The following EBPL variants were observed in gnomAD, a reference collection of about 807,000 sequenced individuals.
EBPL encodes the protein emopamil-binding protein-like.
A neutral mutation model predicts 19.0 loss-of-function variants in EBPL; 20 were observed. The observed-to-expected ratio is 1.05, with a 90% CI of 0.74 to 1.53. EBPL has a LOEUF of 1.53. Ranked by LOEUF, EBPL falls within the 40% of genes most tolerant of loss-of-function variation. The probability of loss-of-function intolerance (pLI) is 0.00; values close to 1 mark genes in which losing one functional copy is unlikely to be tolerated. For synonymous variants in EBPL, 107 were observed against 117.0 expected, an observed-to-expected ratio of 0.91 and a Z score of 0.55; for missense variants, 219 against 261.1, an observed-to-expected ratio of 0.84 and a Z score of 1.11.
At chr13:49,661,263 C>A in intron 3 of EBPL, 55 bp from the exon 4 acceptor site, 1 of 1,419,334 alleles carries the variant, frequency 7.0e-7, no homozygotes. Context: ...AGTTTGGCAT[C>A]AGAGTCATGA....
In EBPL at chr13:49,691,296, C is replaced by A. The variant is rs779612253; in HGVS notation, c.129G>T (p.Ala43=). Residue 43 remains alanine, a synonymous_variant, in exon 1 of 4, where the codon GCG becomes GCT. Transcript: ENST00000242827. ...GCGCGTCGTAGCAGAGCCAGATGAG[C>A]GCCCCGCGGTCCGCCGCCCCCTGCC... ...GRGQGAADRG[A]LIWLCYDALV... 7.3e-5 allele frequency: 101 copies of A among 1,382,436 alleles called. No individual in the cohort carries two copies. Among genetic ancestry groups the A allele is most frequent in the Non-Finnish European group, 8.8e-5 (94 of 1,062,578 alleles). 85.6% of individuals were successfully genotyped at this position (1,382,436 alleles called of 1,614,324 possible). A position where few individuals can be genotyped will look rare whatever the true frequency, so the allele number is the denominator to read the frequency against.
At chr13:49,664,469 T>C (rs1965197789) in intron 2 of EBPL, among the ~76,000 whole-genome samples, 1 of 152,120 alleles carries the variant, frequency 6.6e-6, no homozygotes, top group Non-Finnish European at 1.5e-5. Flanking sequence ...CCAGACCCAT[T>C]ATCAGAGTGG....
In EBPL at chr13:49,663,140, C is replaced by CA. The variant is rs1965173717; in HGVS notation, c.296dup (p.Ser100ValfsTer74). Reference sequence around the variant, plus strand: ...GGGCGACGGTCAGAATTTCCACAGACACAATGGTTGGATCAAAATAAACCC... The same window carrying CA: ...GGGCGACGGTCAGAATTTCCACAGACAACAATGGTTGGATCAAAATAAACCC... On this transcript the variant is annotated frameshift_variant, in exon 3 of 4. Coordinates refer to ENST00000242827, the MANE Select transcript of EBPL (RefSeq NM_032565.5). LOFTEE classifies it high-confidence loss of function. The CA allele has an allele frequency of 6.2e-7, 1 of 1,614,178 alleles. No homozygotes were observed.
At chr13:49,669,955 C>T in intron 1 of EBPL, 109 bp from the exon 2 acceptor site, 2 of 816,992 alleles carry the variant, frequency 2.4e-6, no homozygotes, top group Non-Finnish European at 4.1e-6. Context: ...CTCCATGGCT[C>T]ACATCCTGGC....
At chr13:49,679,890 T>A (rs916412711) in intron 1 of EBPL, among the ~76,000 whole-genome samples, 1 of 144,978 alleles carries the variant, frequency 6.9e-6, no homozygotes, top group African/African-American at 2.4e-5. Context: ...AAGCTATATA[T>A]ATATATTAGT....
rs558741581 is a variant in EBPL, at chr13:49,670,142, G to T, written c.172-296C>A. 4.6e-5 allele frequency among the ~76,000 whole-genome samples: 7 copies of T among 152,324 alleles called. No homozygotes were observed. In the South Asian group the frequency reaches 1.5e-3, roughly 32 times the overall value. ...GAAAAAGTGAAATTTTTGCATAAGA[G>T]TTTAACTACTGTATTAAATAGAGTA... On this transcript the variant is annotated intron_variant, in intron 1 of 3. Transcript: ENST00000242827.
At chr13:49,661,991 A>AT in intron 3 of EBPL, 2 of 1,409,880 alleles carry the variant, frequency 1.4e-6, no homozygotes, top group Middle Eastern at 1.7e-4. Context: ...AGGATGGATA[A>AT]TTTTTTCATC....
chr13:49,688,335 C>T (rs1287834058), intron 1 of EBPL, among the ~76,000 whole-genome samples: 3 of 152,062 alleles, frequency 2.0e-5, no homozygotes, highest in Non-Finnish European at 4.4e-5. Flanking sequence ...AAATGAACTG[C>T]CCCTGGGAAT....
chr13:49,687,309 G>C (rs1246375685), intron 1 of EBPL, among the ~76,000 whole-genome samples: 1 of 152,018 alleles, frequency 6.6e-6, no homozygotes, highest in African/African-American at 2.4e-5. Context: ...CCCATTTTAA[G>C]TTCCAACACC....
At chr13:49,682,186 G>A (rs912411970) in intron 1 of EBPL, among the ~76,000 whole-genome samples, 4 of 151,930 alleles carry the variant, frequency 2.6e-5, no homozygotes, top group African/African-American at 9.7e-5. Flanking sequence ...ACATTCACAG[G>A]AGACCACACT....
At chr13:49,685,864 G>GAA (rs138557655) in intron 1 of EBPL, among the ~76,000 whole-genome samples, 2 of 142,558 alleles carry the variant, frequency 1.4e-5, no homozygotes, top group Admixed American at 7.0e-5. Flanking sequence ...GAGAGAGAGA[G>GAA]AAAAAAAAAA....
intron 1 of EBPL, among the ~76,000 whole-genome samples, chr13:49,673,110 GTGGCAACATAAAAAAATAC>G (rs1953835824): frequency 6.6e-6 from 1 of 152,042 alleles, no homozygotes; most frequent in South Asian, 2.1e-4. Context: ...ATAAAAAATA[GTGGCAACATAAAAAAATAC>G]TGGCAACATC....
intron 1 of EBPL, among the ~76,000 whole-genome samples, chr13:49,679,596 G>C (rs551538930): frequency 2.9e-4 from 44 of 152,172 alleles, no homozygotes; most frequent in Non-Finnish European, 5.6e-4. Flanking sequence ...CAGACTCCTG[G>C]GTTCAAGCAA....
chr13:49,667,440 G>C (rs890636900), intron 2 of EBPL, among the ~76,000 whole-genome samples: 1 of 152,092 alleles, frequency 6.6e-6, no homozygotes, highest in African/African-American at 2.4e-5. Flanking sequence ...GAGGTTTATG[G>C]CTGGCCCTGC....
At chr13:49,676,388 G>A (rs1329506303) in intron 1 of EBPL, among the ~76,000 whole-genome samples, 6 of 152,038 alleles carry the variant, frequency 3.9e-5, no homozygotes, top group African/African-American at 1.2e-4. Context: ...TCAGGAGATC[G>A]AGACCATCCT....
chr13:49,681,682 G>C (rs1953945101), intron 1 of EBPL, among the ~76,000 whole-genome samples: 1 of 152,174 alleles, frequency 6.6e-6, no homozygotes, highest in South Asian at 2.1e-4. Context: ...AGTTATGCCA[G>C]CTATTTCCAT....
At chr13:49,673,793 C>T (rs1329406428) in intron 1 of EBPL, among the ~76,000 whole-genome samples, 1 of 151,978 alleles carries the variant, frequency 6.6e-6, no homozygotes, top group African/African-American at 2.4e-5. Flanking sequence ...AAATGGAGGA[C>T]ATTGTTAGTG....
chr13:49,669,727 G>T, intron 2 of EBPL, 50 bp downstream of exon 2: 1 of 1,512,474 alleles, frequency 6.6e-7, no homozygotes, highest in South Asian at 1.1e-5. Flanking sequence ...AGTCACACTT[G>T]CAATAAACCT....
intron 1 of EBPL, among the ~76,000 whole-genome samples, chr13:49,676,706 G>T (rs1953880716): frequency 6.6e-6 from 1 of 152,156 alleles, no homozygotes; most frequent in Non-Finnish European, 1.5e-5. Context: ...TCACCAGACT[G>T]CATGACAATG....
Sources: gnomAD v4.1 joint callset for allele counts (sites outside exome capture counted in the v4.1 genomes callset) on GRCh38, gnomAD v4.1.1 for gene constraint, MANE v1.5 for transcripts, NCBI Gene and HGNC (gene_info 2026-07-23, HGNC 2026-07-21) for gene names.